The following ITPR2 variants were observed in gnomAD, a reference collection of about 807,000 sequenced individuals.
ITPR2 encodes the protein inositol 1,4,5-trisphosphate receptor type 2, also known as inositol 1,4,5-trisphosphate-gated calcium channel ITPR2.
A neutral mutation model predicts 317.1 loss-of-function variants in ITPR2; 207 were observed. That is an observed-to-expected ratio of 0.65 (90% confidence interval 0.58 to 0.73). ITPR2 has a LOEUF of 0.73. ITPR2 is among the 30% of genes least tolerant of loss of function. ITPR2 has a pLI of 0.00. For missense variants in ITPR2, 2,613 were observed against 3,284.0 expected (o/e 0.80, Z 4.99); for synonymous variants, 1,156 against 1,149.1 (o/e 1.01, Z -0.12).
chr12:26,606,853 T>C (rs768658589), intron 26 of ITPR2, among the ~76,000 whole-genome samples: 2 of 152,098 alleles, frequency 1.3e-5, no homozygotes, highest in Non-Finnish European at 2.9e-5. Context: ...AGGAGGATCA[T>C]TTGAGCCAAG....
chr12:26,388,408 G>A (rs1939729121), intron 54 of ITPR2, among the ~76,000 whole-genome samples: 1 of 152,092 alleles, frequency 6.6e-6, no homozygotes, highest in Non-Finnish European at 1.5e-5. Context: ...ATCCAACCCT[G>A]GCTATTCTTT....
Position 26,599,255 on chromosome 12 carries a change from G to A in ITPR2, c.3892C>T (p.His1298Tyr). Residue 1298 changes from histidine to tyrosine, a missense_variant, in exon 30 of 57, where the codon CAC becomes TAC. Around this residue, in one of 9 missense-constraint regions of ITPR2, gnomAD observed 817 missense variants for 897.6 expected, o/e 0.91. Coordinates refer to ENST00000381340, the MANE Select transcript of ITPR2 (RefSeq NM_002223.4). ...ISERVVQHFV[H>Y]CIETHGRHVE... ...TGGCGGCCATGTGTCTCAATGCAGT[G>A]CACAAAGTGTTGTACAACTCTCTCG... 2 of 1,613,984 alleles carry A rather than the reference G, an allele frequency of 1.2e-6. No individual in the cohort carries two copies. Among genetic ancestry groups the A allele is most frequent in the South Asian group, 1.1e-5 (1 of 91,082 alleles).
intron 49 of ITPR2, chr12:26,419,720 T>C (rs1290588258): frequency 1.3e-5 from 2 of 152,256 alleles, no homozygotes; most frequent in African/African-American, 4.8e-5. Flanking sequence ...TTTTTTATAG[T>C]AAATATGTAA....
At chr12:26,791,403 T>G (rs1282917354) in intron 1 of ITPR2, among the ~76,000 whole-genome samples, 2 of 152,026 alleles carry the variant, frequency 1.3e-5, no homozygotes, top group African/African-American at 4.8e-5. Flanking sequence ...GAGGAAGTAT[T>G]AACCAGACTC....
At chr12:26,635,550 G>A (rs1946846884) in intron 21 of ITPR2, among the ~76,000 whole-genome samples, 1 of 152,152 alleles carries the variant, frequency 6.6e-6, no homozygotes, top group Admixed American at 6.5e-5. Context: ...ACTAAAATCA[G>A]CTCAATGTTT....
At chr12:26,669,864 C>A (rs1168041427) in intron 13 of ITPR2, among the ~76,000 whole-genome samples, 3 of 152,242 alleles carry the variant, frequency 2.0e-5, no homozygotes, top group Non-Finnish European at 4.4e-5. Flanking sequence ...GCTTTTCCGA[C>A]GGGCTTAAAA....
intron 2 of ITPR2, among the ~76,000 whole-genome samples, chr12:26,755,528 A>G (rs142340416): frequency 6.6e-4 from 101 of 152,334 alleles, no homozygotes; most frequent in African/African-American, 2.3e-3. Flanking sequence ...CTTTTGAGTT[A>G]TTTAAGGCTT....
intron 53 of ITPR2, among the ~76,000 whole-genome samples, chr12:26,399,816 G>C (rs1200732497): frequency 1.3e-5 from 2 of 152,198 alleles, no homozygotes; most frequent in African/African-American, 4.8e-5. Context: ...ATAGGCAAGA[G>C]GCAACCTCGT....
At chr12:26,807,695 G>A (rs1334584248) in intron 1 of ITPR2, among the ~76,000 whole-genome samples, 1 of 152,160 alleles carries the variant, frequency 6.6e-6, no homozygotes, top group East Asian at 1.9e-4. Context: ...CTTTCAGAAT[G>A]TAAGTGCATT....
intron 2 of ITPR2, among the ~76,000 whole-genome samples, chr12:26,737,592 T>C (rs1949149492): frequency 1.3e-5 from 2 of 152,076 alleles, no homozygotes; most frequent in Admixed American, 6.5e-5. Flanking sequence ...TGGAGGTGAC[T>C]GGCAAAAAGG....
At chr12:26,535,944 G>A (rs565552612) in intron 37 of ITPR2, among the ~76,000 whole-genome samples, 12 of 152,198 alleles carry the variant, frequency 7.9e-5, no homozygotes, top group African/African-American at 2.4e-4. Context: ...GTCCATGATC[G>A]AAGAACAAAA....
chr12:26,475,430 A>G lies in ITPR2; in HGVS notation c.6220-12T>C. ...TTCATCACATCCACCTATCCAAAAA[A>G]AAAAAGAATATTGAAATGCCAGAAA... On this transcript the variant is annotated splice_polypyrimidine_tract_variant and intron_variant, in intron 44 of 56. Transcript: ENST00000381340. The G allele has an allele frequency of 6.3e-7, 1 of 1,599,686 alleles. No individual in the cohort carries two copies. Among genetic ancestry groups the G allele is most frequent in the Non-Finnish European group, 8.5e-7 (1 of 1,176,334 alleles).
At chr12:26,345,422 T>G (rs1938274052) in intron 55 of ITPR2, among the ~76,000 whole-genome samples, 1 of 152,162 alleles carries the variant, frequency 6.6e-6, no homozygotes, top group African/African-American at 2.4e-5. Context: ...ATTTATAAAT[T>G]AGGCACAGTA....
intron 2 of ITPR2, among the ~76,000 whole-genome samples, chr12:26,746,293 TG>T (rs1949322476): frequency 6.6e-6 from 1 of 152,040 alleles, no homozygotes; most frequent in African/African-American, 2.4e-5. Flanking sequence ...TGCATGCAAA[TG>T]GAGGGAACCT....
At chr12:26,566,136 G>A (rs1428650125) in intron 34 of ITPR2, among the ~76,000 whole-genome samples, 1 of 129,552 alleles carries the variant, frequency 7.7e-6, no homozygotes. Context: ...AGAGGGAGAG[G>A]AGGAGAGGAA....
intron 2 of ITPR2, among the ~76,000 whole-genome samples, chr12:26,776,792 G>T (rs980600280): frequency 1.3e-5 from 2 of 152,172 alleles, no homozygotes; most frequent in Non-Finnish European, 2.9e-5. Context: ...TTAGGCAGTT[G>T]CCAGGCAAGA....
chr12:26,500,516 G>A (rs958537578), intron 37 of ITPR2, among the ~76,000 whole-genome samples: 2 of 152,110 alleles, frequency 1.3e-5, no homozygotes. Context: ...GTCAATTCCA[G>A]GCCACAAGAC....
rs1167248766 is a variant in ITPR2, at chr12:26,338,947, T to C, written c.*450A>G. ...TTTCAGTTATTTTCCTTAGTAAAACTTAGCCACCAAAGTATGACTTCTTGT... is the reference window on the plus strand; with the variant it reads ...TTTCAGTTATTTTCCTTAGTAAAACCTAGCCACCAAAGTATGACTTCTTGT... On this transcript the variant is annotated 3_prime_UTR_variant, in exon 57 of 57. Transcript: ENST00000381340. 2 of 153,208 alleles carry C rather than the reference T, an allele frequency of 1.3e-5. No individual in the cohort carries two copies. The highest frequency in any genetic ancestry group is 2.9e-5 in the Non-Finnish European group (2 of 68,726). The allele number at this position is 153,208 out of a possible 1,614,324, so 9.5% of individuals were successfully genotyped here. A position where few individuals can be genotyped will look rare whatever the true frequency, so the allele number is the denominator to read the frequency against.
chr12:26,496,909 A>AGT (rs1942944938), intron 37 of ITPR2, among the ~76,000 whole-genome samples: 4 of 147,972 alleles, frequency 2.7e-5, no homozygotes, highest in Admixed American at 1.4e-4. Context: ...GTGACACTGC[A>AGT]CTCCAGCCTG....
Sources: allele counts gnomAD v4.1 joint callset (sites outside exome capture counted in the v4.1 genomes callset), GRCh38; gene constraint gnomAD v4.1.1; regional missense constraint gnomAD v4.1.1; transcripts MANE v1.5; gene names NCBI Gene and HGNC (gene_info 2026-07-23, HGNC 2026-07-21).